Variants in PCSK4 observed in about 807,000 individuals in gnomAD.
PCSK4 encodes testicular tissue protein Li 135.
PCSK4 carries 64 observed loss-of-function variants against 80.3 expected under a neutral mutation model. That is an observed-to-expected ratio of 0.80 (90% CI 0.65 to 0.98). The LOEUF is 0.98. PCSK4 is among the 50% of genes least tolerant of loss of function. PCSK4 has a pLI of 0.00. For missense variants in PCSK4, 1,213 were observed against 1,093.6 expected, an observed-to-expected ratio of 1.11 and a Z score of -1.54; for synonymous variants, 561 against 487.6, an observed-to-expected ratio of 1.15 and a Z score of -1.98.
Position 1,490,282 on chromosome 19 carries a change from C to CG in PCSK4, c.64dup (p.Arg22ProfsTer25). 1 of 1,593,792 alleles carries CG rather than the reference C, an allele frequency of 6.3e-7. No individual in the cohort carries two copies. Among genetic ancestry groups the CG allele is most frequent in the Non-Finnish European group, 8.5e-7 (1 of 1,170,344 alleles). ...TCGGACCGGGGCCCACCCCACAGCC[C>CG]GGGGGCGGACAAGGGCCAGGGCCAA... is the stretch of plus-strand genomic sequence containing the variant. On this transcript the variant is annotated frameshift_variant, in exon 1 of 15. Transcript: ENST00000300954. LOFTEE classifies it high-confidence loss of function.
Position 1,481,731 on chromosome 19 carries a change from G to A in PCSK4, c.*28C>T, listed in dbSNP as rs756292775. On this transcript the variant is annotated 3_prime_UTR_variant, in exon 15 of 15. Transcript: ENST00000300954. ...AGTGCCTGTCAGGGACCCAGGCGGG[G>A]GCAAGGTCGCTTTCTGAGCTGACAA... is the stretch of plus-strand genomic sequence containing the variant. 30 of 1,460,734 alleles carry A rather than the reference G, an allele frequency of 2.1e-5. No homozygotes were observed. The East Asian group carries it at 4.2e-4, about 21-fold the overall frequency. The allele number at this position is 1,460,734 out of a possible 1,614,324, so 90.5% of individuals were successfully genotyped here. A position where few individuals can be genotyped will look rare whatever the true frequency, so the allele number is the denominator to read the frequency against.
chr19:1,481,942 A>C (rs1270617090), exon 15 of PCSK4: 1 of 1,597,820 alleles, frequency 6.3e-7, no homozygotes, highest in South Asian at 1.1e-5. Context: ...CGGCAGCTCT[A>C]AGCCGGGGGC....
exon 15 of PCSK4, chr19:1,481,940 C>T (rs2084312136): frequency 1.3e-6 from 2 of 1,597,542 alleles, no homozygotes; most frequent in Non-Finnish European, 8.5e-7. Flanking sequence ...GGCGGCAGCT[C>T]TAAGCCGGGG....
At chr19:1,489,670 G>A in intron 2 of PCSK4, 123 bp downstream of exon 2, 1 of 1,461,352 alleles carries the variant, frequency 6.8e-7, no homozygotes, top group Non-Finnish European at 9.1e-7. Context: ...GGGCCCGGGC[G>A]GGTCTGAGCC....
chr19:1,485,535 G>A lies in PCSK4; in HGVS notation c.1068+1318C>T, dbSNP rs375749997. ...AGCTGAGATCATGCCACTTCACTCT[G>A]TTGCACCCAGCCTGGGTGACAGAGC... On this transcript the variant is annotated intron_variant, in intron 8 of 14. Coordinates refer to ENST00000300954, the Ensembl canonical transcript of PCSK4. Among the ~76,000 whole-genome samples, 8 of 151,440 alleles carry A rather than the reference G, an allele frequency of 5.3e-5. No individual in the cohort carries two copies. In the East Asian group the frequency reaches 7.8e-4, roughly 15 times the overall value.
intron 2 of PCSK4, among the ~76,000 whole-genome samples, chr19:1,489,225 G>T (rs1448961945): frequency 2.0e-5 from 3 of 148,400 alleles, no homozygotes; most frequent in African/African-American, 5.0e-5. Context: ...TCCGCCTCCC[G>T]GGTTCACACC....
chr19:1,482,673 C>T, intron 13 of PCSK4, 198 bp from the exon 14 acceptor site: 1 of 781,354 alleles, frequency 1.3e-6, no homozygotes, highest in Non-Finnish European at 2.0e-6. Flanking sequence ...CTACTGTGCG[C>T]CTGTCACTGG....
At chr19:1,487,461 C>G in intron 6 of PCSK4, 142 bp downstream of exon 6, 3 of 976,706 alleles carry the variant, frequency 3.1e-6, no homozygotes, top group Non-Finnish European at 1.5e-6. Flanking sequence ...TGGCTCAGCA[C>G]CCCCCAAGCC....
At chr19:1,487,730 C>T (rs1442489217) in intron 5 of PCSK4, 39 bp from the exon 6 acceptor site, 5 of 1,548,002 alleles carry the variant, frequency 3.2e-6, no homozygotes, top group South Asian at 2.4e-5. Flanking sequence ...TCACGGCCTC[C>T]ATCCCCCTGC....
exon 8 of PCSK4, chr19:1,487,019 C>T (rs754973677): frequency 3.7e-6 from 6 of 1,608,608 alleles, no homozygotes; most frequent in Non-Finnish European, 5.1e-6. Flanking sequence ...GTGCAGGCCG[C>T]CGTTGCCCGA....
At chr19:1,490,086 C>T (rs1182807722) in intron 1 of PCSK4, 72 bp downstream of exon 1, 1 of 1,574,572 alleles carries the variant, frequency 6.4e-7, no homozygotes, top group East Asian at 2.3e-5. Flanking sequence ...GGGCTCCCTC[C>T]CCCTTGTCGG....
At chr19:1,482,576 C>A in intron 13 of PCSK4, 101 bp from the exon 14 acceptor site, 1 of 1,421,360 alleles carries the variant, frequency 7.0e-7, no homozygotes, top group Non-Finnish European at 9.5e-7. Flanking sequence ...CCACGCGGGG[C>A]CCTGGACTGG....
rs758925469 is a variant in PCSK4, at chr19:1,483,284, C to G, written c.1571G>C (p.Arg524Pro). ...CCCCTCTCCTCTGCGGGCCGCTCAC[C>G]GTATGGCCACGAGTGTGGAGCGCGT... The change falls in exon 12 of 15, where the codon CGA (arginine) becomes CCA (proline). Residue 524 changes from arginine (R) to proline (P), a missense_variant and splice_region_variant. Physicochemically the swap from Arg to Pro is moderately radical, Grantham distance 103. Transcript: ENST00000300954. 7 of 1,585,932 alleles carry G rather than the reference C, an allele frequency of 4.4e-6. No homozygotes were observed. In the African/African-American group the frequency reaches 6.7e-5, roughly 15 times the overall value.
At chr19:1,487,942 C>A in intron 4 of PCSK4, 22 bp downstream of exon 4, 1 of 1,598,928 alleles carries the variant, frequency 6.3e-7, no homozygotes, top group Non-Finnish European at 8.5e-7. Flanking sequence ...CAGCCCTCGC[C>A]CACAGCCACC....
At chr19:1,482,516 C>A (rs1432253285) in intron 13 of PCSK4, 41 bp from the exon 14 acceptor site, 2 of 1,576,704 alleles carry the variant, frequency 1.3e-6, no homozygotes, top group Non-Finnish European at 1.7e-6. Context: ...GAAAAGGAGG[C>A]TCTCGGCAGC....
exon 15 of PCSK4, chr19:1,481,648 G>C (rs2084298941): frequency 1.5e-6 from 1 of 668,830 alleles, no homozygotes; most frequent in Non-Finnish European, 2.4e-6. Context: ...TGGCAGGCCA[G>C]GCGTCGGGTG....
At chr19:1,483,597 C>A in intron 11 of PCSK4, 53 bp downstream of exon 11, 1 of 1,483,440 alleles carries the variant, frequency 6.7e-7, no homozygotes, top group Admixed American at 1.9e-5. Context: ...AGGCCTCAGG[C>A]CTGTCCCCCA....
exon 15 of PCSK4, chr19:1,481,869 C>T (rs1222326768): frequency 1.1e-5 from 18 of 1,587,176 alleles, no homozygotes; most frequent in Admixed American, 1.7e-5. Context: ...ACGGGGCCTC[C>T]GAGGGTCACG....
intron 2 of PCSK4, among the ~76,000 whole-genome samples, chr19:1,489,181 G>C (rs1243946669): frequency 6.7e-6 from 1 of 149,170 alleles, no homozygotes; most frequent in African/African-American, 2.5e-5. Flanking sequence ...GCCCAGGCTG[G>C]AGTGCAATGG....
Sources: gnomAD v4.1 joint callset for allele counts (sites outside exome capture counted in the v4.1 genomes callset) on GRCh38, gnomAD v4.1.1 for gene constraint, MANE v1.5 for transcripts, NCBI Gene and HGNC (gene_info 2026-07-23, HGNC 2026-07-21) for gene names.